Variants in ULK4 observed in about 807,000 individuals in gnomAD.
ULK4 encodes unc-51 like kinase 4.
In ULK4, 133 loss-of-function variants were observed where a neutral mutation model predicts 160.6. The ratio of observed to expected loss-of-function variants is 0.83; its 90% CI spans 0.72 to 0.96. The LOEUF is 0.96. Ranked by LOEUF, ULK4 falls within the 40% of genes least tolerant of loss-of-function variation. ULK4 has a pLI of 0.00. For missense variants in ULK4, 1,580 were observed against 1,499.5 expected, an observed-to-expected ratio of 1.05 and a Z score of -0.89; for synonymous variants, 534 against 539.8, an observed-to-expected ratio of 0.99 and a Z score of 0.15.
chr3:41,494,418 T>C (rs2084910642), intron 32 of ULK4, among the ~76,000 whole-genome samples: 2 of 145,988 alleles, frequency 1.4e-5, no homozygotes, highest in South Asian at 2.3e-4. Context: ...TAGGTATTGA[T>C]GGGACGTATC....
chr3:41,538,665 G>T (rs2086593714), intron 32 of ULK4, among the ~76,000 whole-genome samples: 1 of 152,058 alleles, frequency 6.6e-6, no homozygotes, highest in East Asian at 1.9e-4. Context: ...AACATCACAA[G>T]GTATTTTAAA....
chr3:41,698,787 A>T (rs2036579263), intron 27 of ULK4, among the ~76,000 whole-genome samples: 1 of 152,236 alleles, frequency 6.6e-6, no homozygotes, highest in African/African-American at 2.4e-5. Flanking sequence ...AAGGAACATT[A>T]TGAAGCCCCC....
chr3:41,415,925 G>C (rs1275783918), intron 34 of ULK4, among the ~76,000 whole-genome samples: 1 of 152,178 alleles, frequency 6.6e-6, no homozygotes, highest in Non-Finnish European at 1.5e-5. Flanking sequence ...AGAAGAATGA[G>C]AAAAGAGAGA....
At chr3:41,909,898 C>T (rs1231856858) in intron 11 of ULK4, among the ~76,000 whole-genome samples, 1 of 151,672 alleles carries the variant, frequency 6.6e-6, no homozygotes, top group African/African-American at 2.4e-5. Flanking sequence ...TTACATACTA[C>T]TAAATTTTTT....
In ULK4 at chr3:41,657,052, A is replaced by G. The variant is rs1237891688; in HGVS notation, c.3071+6555T>C. Among the ~76,000 whole-genome samples, 5 of 152,234 alleles carry G rather than the reference A, an allele frequency of 3.3e-5. No homozygotes were observed. In the South Asian group the frequency reaches 6.2e-4, roughly 19 times the overall value. On this transcript the variant is annotated intron_variant, in intron 30 of 36. Coordinates refer to ENST00000301831, the MANE Select transcript of ULK4 (RefSeq NM_017886.4). The stretch of plus-strand genomic sequence containing the variant: ...CAGGGGAGTTAACACTTCCCTCCCA[A>G]TGAAACTGCACCAACATGGCAAACA...
intron 30 of ULK4, among the ~76,000 whole-genome samples, chr3:41,618,979 G>A (rs1281409898): frequency 6.6e-6 from 1 of 151,678 alleles, no homozygotes; most frequent in Non-Finnish European, 1.5e-5. Flanking sequence ...TGCAATCCTA[G>A]TCTCTAGGAT....
intron 35 of ULK4, among the ~76,000 whole-genome samples, chr3:41,274,018 T>G (rs1273735349): frequency 1.3e-5 from 2 of 151,924 alleles, no homozygotes; most frequent in African/African-American, 4.8e-5. Context: ...AATTACCCAG[T>G]CTCAGGTATT....
intron 5 of ULK4, among the ~76,000 whole-genome samples, chr3:41,921,972 G>A (rs1004367420): frequency 3.9e-5 from 6 of 151,908 alleles, no homozygotes; most frequent in East Asian, 2.0e-4. Flanking sequence ...TGACCAACAT[G>A]GACAAACCCC....
intron 27 of ULK4, among the ~76,000 whole-genome samples, chr3:41,692,832 T>C (rs1379257573): frequency 6.6e-6 from 1 of 152,188 alleles, no homozygotes; most frequent in Non-Finnish European, 1.5e-5. Context: ...ATTTCGTTGC[T>C]CAAAAACTAG....
At chr3:41,942,846 TAAATAAATA>T (rs1488580385) in intron 2 of ULK4, among the ~76,000 whole-genome samples, 2 of 22,678 alleles carry the variant, frequency 8.8e-5, no homozygotes, top group Non-Finnish European at 4.8e-4. Context: ...TTCATTAAAT[TAAATAAATA>T]AATAGTTTTA....
At chr3:41,709,055 A>G (rs1575592834) in intron 25 of ULK4, among the ~76,000 whole-genome samples, 1 of 152,226 alleles carries the variant, frequency 6.6e-6, no homozygotes, top group Non-Finnish European at 1.5e-5. Flanking sequence ...TCTACAATAC[A>G]AATGCATCTA....
At chr3:41,679,110 A>C (rs1402899935) in intron 29 of ULK4, among the ~76,000 whole-genome samples, 1 of 152,202 alleles carries the variant, frequency 6.6e-6, no homozygotes, top group African/African-American at 2.4e-5. Flanking sequence ...CACAATAAGC[A>C]TTATACATTT....
At chr3:41,711,769 G>A (rs1254954028) in intron 25 of ULK4, among the ~76,000 whole-genome samples, 1 of 152,194 alleles carries the variant, frequency 6.6e-6, no homozygotes, top group African/African-American at 2.4e-5. Flanking sequence ...AAGGACATAG[G>A]AAATATAGTG....
intron 35 of ULK4, among the ~76,000 whole-genome samples, chr3:41,354,745 C>T (rs2080994811): frequency 6.6e-6 from 1 of 152,194 alleles, no homozygotes; most frequent in African/African-American, 2.4e-5. Context: ...CAAGCAAGCC[C>T]ACTAAAGCTG....
chr3:41,658,739 A>ACACACACACACACTCTCT (rs773048998), intron 30 of ULK4, among the ~76,000 whole-genome samples: 2 of 151,782 alleles, frequency 1.3e-5, no homozygotes, highest in African/African-American at 2.4e-5. Context: ...ACACACACAC[A>ACACACACACACACTCTCT]CACACACACA....
At chr3:41,951,599 G>C (rs1341199989) in intron 2 of ULK4, among the ~76,000 whole-genome samples, 2 of 152,122 alleles carry the variant, frequency 1.3e-5, no homozygotes, top group Non-Finnish European at 2.9e-5. Context: ...ATGAGGAAAG[G>C]GCAGTCTTTT....
At chr3:41,714,113 G>A (rs896933060) in intron 25 of ULK4, among the ~76,000 whole-genome samples, 9 of 152,066 alleles carry the variant, frequency 5.9e-5, no homozygotes, top group African/African-American at 2.2e-4. Context: ...CTTAAAAACA[G>A]GTAAAAAGAT....
At chr3:41,925,126 G>A (rs187185045) in intron 5 of ULK4, among the ~76,000 whole-genome samples, 1 of 152,288 alleles carries the variant, frequency 6.6e-6, no homozygotes, top group Non-Finnish European at 1.5e-5. Context: ...CGGCCGAATA[G>A]GAACAGCTCC....
intron 32 of ULK4, among the ~76,000 whole-genome samples, chr3:41,541,056 C>G (rs567941384): frequency 2.8e-4 from 42 of 152,150 alleles, no homozygotes; most frequent in Admixed American, 2.2e-3. Flanking sequence ...TGTCAATTTT[C>G]GCTTTTGTTG....
Sources: gnomAD v4.1 joint callset for allele counts (sites outside exome capture counted in the v4.1 genomes callset) on GRCh38, gnomAD v4.1.1 for gene constraint, MANE v1.5 for transcripts, NCBI Gene and HGNC (gene_info 2026-07-23, HGNC 2026-07-21) for gene names.